OSBPL6: variants seen among roughly 807,000 people sequenced by gnomAD.
The protein encoded by OSBPL6 is oxysterol-binding protein-related protein 6.
A neutral mutation model predicts 125.8 loss-of-function variants in OSBPL6; 49 were observed. The observed-to-expected ratio is 0.39, with a 90% CI of 0.31 to 0.49. The LOEUF (loss-of-function observed/expected upper bound fraction) is 0.49, where lower values mean the gene tolerates loss of function less well. OSBPL6 is among the 20% of genes least tolerant of loss of function. The pLI is 0.88. For synonymous variants in OSBPL6, 394 were observed against 391.8 expected (o/e 1.01, Z -0.07); for missense variants, 986 against 1,135.4 (o/e 0.87, Z 1.89).
chr2:178,308,165 C>A (rs1049436769), intron 3 of OSBPL6, among the ~76,000 whole-genome samples: 16 of 152,200 alleles, frequency 1.1e-4, no homozygotes, highest in African/African-American at 3.9e-4. Flanking sequence ...CTGGTTCCTT[C>A]CTGACTCCTG....
rs1392684379 is a variant in OSBPL6, at chr2:178,208,351, T to C, written c.-351+13677T>C. On this transcript the variant is annotated intron_variant, in intron 1 of 24. Transcript: ENST00000190611. Reference sequence around the variant, plus strand: ...CATCCAATAGAATATTAATTAATACTTGCTTATCATCAAATAGTTGAGAAA... The same window carrying C: ...CATCCAATAGAATATTAATTAATACCTGCTTATCATCAAATAGTTGAGAAA... 2.6e-5 allele frequency among the ~76,000 whole-genome samples: 4 copies of C among 151,846 alleles called. No individual in the cohort carries two copies. The South Asian group carries it at 8.3e-4, about 32-fold the overall frequency.
At chr2:178,331,451 CAT>C in intron 5 of OSBPL6, 99 bp from the exon 6 acceptor site, 3 of 1,207,668 alleles carry the variant, frequency 2.5e-6, no homozygotes, top group Non-Finnish European at 3.7e-6. Context: ...AATGATCAAA[CAT>C]ATTGATTAAT....
intron 2 of OSBPL6, among the ~76,000 whole-genome samples, chr2:178,287,241 G>A (rs2154038038): frequency 6.6e-6 from 1 of 150,698 alleles, no homozygotes; most frequent in Admixed American, 6.6e-5. Context: ...AACTGGTAAT[G>A]CCTGTTATTT....
intron 3 of OSBPL6, among the ~76,000 whole-genome samples, chr2:178,322,964 C>T (rs76028039): frequency 0.026 from 3,839 of 148,726 alleles, 233 homozygotes; most frequent in East Asian, 0.23. Flanking sequence ...GTAGTCTTTA[C>T]AGTAGGGAAG....
chr2:178,368,410 G>A (rs374429028), intron 13 of OSBPL6, among the ~76,000 whole-genome samples: 75 of 152,264 alleles, frequency 4.9e-4, no homozygotes, highest in African/African-American at 1.8e-3. Context: ...TTCTACCACT[G>A]CATAGATATT....
At chr2:178,371,093 A>T (rs769052576) in intron 13 of OSBPL6, among the ~76,000 whole-genome samples, 16 of 152,248 alleles carry the variant, frequency 1.1e-4, no homozygotes, top group Non-Finnish European at 2.1e-4. Context: ...CCTGAAGCAG[A>T]TGCCCTCTTT....
chr2:178,308,671 C>A (rs1402701594), intron 3 of OSBPL6, among the ~76,000 whole-genome samples: 1 of 152,154 alleles, frequency 6.6e-6, no homozygotes, highest in African/African-American at 2.4e-5. Flanking sequence ...AATTTGCTAT[C>A]AGGATAACCA....
chr2:178,373,792 A>G, intron 14 of OSBPL6, 98 bp from the exon 15 acceptor site: 1 of 1,430,210 alleles, frequency 7.0e-7, no homozygotes. Context: ...CCACTTTTTA[A>G]CATACAGTAT....
chr2:178,229,988 C>T (rs1220934866), intron 1 of OSBPL6, among the ~76,000 whole-genome samples: 6 of 152,168 alleles, frequency 3.9e-5, no homozygotes, highest in Admixed American at 3.9e-4. Flanking sequence ...TGGACCAGCC[C>T]TCAGTCTCTC....
At chr2:178,331,785 A>G (rs1689217177) in intron 6 of OSBPL6, among the ~76,000 whole-genome samples, 180 bp downstream of exon 6, 2 of 152,136 alleles carry the variant, frequency 1.3e-5, no homozygotes, top group African/African-American at 4.8e-5. Context: ...GTGCATGAAG[A>G]TTTAACTATT....
At chr2:178,317,497 A>T (rs1348122055) in intron 3 of OSBPL6, among the ~76,000 whole-genome samples, 1 of 141,738 alleles carries the variant, frequency 7.1e-6, no homozygotes, top group Non-Finnish European at 1.5e-5. Context: ...TTATTCATTC[A>T]TTCAGCAAAC....
At chr2:178,388,140 T>C (rs1257057523) in intron 20 of OSBPL6, among the ~76,000 whole-genome samples, 1 of 152,232 alleles carries the variant, frequency 6.6e-6, no homozygotes, top group African/African-American at 2.4e-5. Context: ...TTTGAAAATA[T>C]ATGTAACGTA....
rs1184973584 is a variant in OSBPL6 at position 178,386,602 on chromosome 2, T to C, written c.2078-459T>C. On this transcript the variant is annotated intron_variant, in intron 19 of 24. Transcript: ENST00000190611. ...ATTATTTTTAGTGTACATCTTATGC[T>C]TGATATATTTGTTAACTATTTTTAC... 2.0e-5 allele frequency among the ~76,000 whole-genome samples: 3 copies of C among 152,304 alleles called. No homozygotes were observed. In the East Asian group the frequency reaches 5.8e-4, roughly 29 times the overall value.
chr2:178,222,061 G>C (rs146365717), intron 1 of OSBPL6, among the ~76,000 whole-genome samples: 56 of 152,272 alleles, frequency 3.7e-4, no homozygotes, highest in Middle Eastern at 3.4e-3. Context: ...ATCAACTAAA[G>C]AGTCACCTTT....
intron 1 of OSBPL6, among the ~76,000 whole-genome samples, chr2:178,210,338 TA>T (rs1017063159): frequency 6.9e-6 from 1 of 143,930 alleles, no homozygotes; most frequent in African/African-American, 2.5e-5. Flanking sequence ...ATTTGACAGT[TA>T]AAAAAAATCC....
Position 178,219,168 on chromosome 2 carries a change from T to TA in OSBPL6, c.-351+24501dup, listed in dbSNP as rs570504692. 1.4e-4 allele frequency among the ~76,000 whole-genome samples: 21 copies of TA among 152,260 alleles called. No homozygotes were observed. In the South Asian group the frequency reaches 3.1e-3, roughly 23 times the overall value. ...AAAATAGACTGTTAGTGATAGACTG[T>TA]AAAAAAATGGAGTTTTATTAAAGAT... is the stretch of plus-strand genomic sequence containing the variant. On this transcript the variant is annotated intron_variant, in intron 1 of 24. Transcript: ENST00000190611.
intron 2 of OSBPL6, among the ~76,000 whole-genome samples, chr2:178,288,504 A>G (rs1559205131): frequency 6.6e-6 from 1 of 152,196 alleles, no homozygotes; most frequent in Non-Finnish European, 1.5e-5. Context: ...GATTTAGACC[A>G]GTTCTGAAAA....
At chr2:178,382,786 C>T in intron 16 of OSBPL6, 1 of 1,418,468 alleles carries the variant, frequency 7.0e-7, no homozygotes, top group Non-Finnish European at 9.2e-7. Context: ...AAAACTTAGC[C>T]TGTCTTGTCT....
chr2:178,294,261 C>A (rs1269756170), intron 2 of OSBPL6, among the ~76,000 whole-genome samples: 1 of 151,898 alleles, frequency 6.6e-6, no homozygotes. Context: ...ATGGGTTATA[C>A]CAATTTTGAA....
Sources: allele counts gnomAD v4.1 joint callset (sites outside exome capture counted in the v4.1 genomes callset), GRCh38; gene constraint gnomAD v4.1.1; transcripts MANE v1.5; gene names NCBI Gene and HGNC (gene_info 2026-07-23, HGNC 2026-07-21).